The following SHISAL1 variants were observed in gnomAD, a reference collection of about 807,000 sequenced individuals.
The protein encoded by SHISAL1 is protein shisa-like-1.
SHISAL1 carries 9 observed loss-of-function variants against 22.6 expected under a neutral mutation model. The observed-to-expected ratio is 0.40, with a 90% CI of 0.24 to 0.70. SHISAL1 has a LOEUF of 0.70. Among genes scored for constraint, SHISAL1 ranks in the 30% least tolerant of loss-of-function variants. SHISAL1 has a pLI of 0.39. For missense variants in SHISAL1, 246 were observed against 270.6 expected (o/e 0.91, Z 0.64); for synonymous variants, 119 against 115.4 (o/e 1.03, Z -0.20).
intron 1 of SHISAL1, among the ~76,000 whole-genome samples, chr22:44,303,723 G>A (rs560214003): frequency 6.6e-6 from 1 of 152,296 alleles, no homozygotes; most frequent in South Asian, 2.1e-4. Context: ...CCGTGGAAGG[G>A]CTGGGTTGGG....
intron 3 of SHISAL1, among the ~76,000 whole-genome samples, chr22:44,295,996 A>C (rs1438257913): frequency 6.6e-6 from 1 of 152,220 alleles, no homozygotes; most frequent in African/African-American, 2.4e-5. Context: ...CAATGGTGTC[A>C]ATCAGTATTT....
At chr22:44,292,905 C>T (rs758030926) in intron 3 of SHISAL1, among the ~76,000 whole-genome samples, 1 of 152,262 alleles carries the variant, frequency 6.6e-6, no homozygotes, top group Non-Finnish European at 1.5e-5. Context: ...CTCCTGCAGA[C>T]ACTCTAGGTC....
At chr22:44,309,191 T>C (rs2055500151) in intron 1 of SHISAL1, among the ~76,000 whole-genome samples, 1 of 152,184 alleles carries the variant, frequency 6.6e-6, no homozygotes, top group Admixed American at 6.5e-5. Context: ...CTAACGAGTC[T>C]CTACTGTGGA....
the SHISAL1 span, among the ~76,000 whole-genome samples, chr22:44,326,865 G>C: frequency 6.6e-6 from 1 of 152,212 alleles, no homozygotes; most frequent in Non-Finnish European, 1.5e-5. Context: ...TTTCCTAAAA[G>C]GAGTGCCTCG....
chr22:44,318,731 G>A, the SHISAL1 span, among the ~76,000 whole-genome samples: 16 of 152,346 alleles, frequency 1.1e-4, no homozygotes, highest in East Asian at 1.5e-3. Context: ...CCGGAGGCTC[G>A]CGGCCTGCTC....
chr22:44,328,557 C>T, the SHISAL1 span, among the ~76,000 whole-genome samples: 384 of 152,264 alleles, frequency 2.5e-3, 1 homozygote, highest in African/African-American at 8.6e-3. Flanking sequence ...TACATGCCAC[C>T]GCCCCCCAAC....
At chr22:44,306,207 C>A (rs188665337) in intron 1 of SHISAL1, among the ~76,000 whole-genome samples, 1 of 152,224 alleles carries the variant, frequency 6.6e-6, no homozygotes, top group African/African-American at 2.4e-5. Flanking sequence ...AGGCCAAAGT[C>A]ATCACCTTGG....
intron 4 of SHISAL1, among the ~76,000 whole-genome samples, chr22:44,264,957 A>C (rs1463028532): frequency 1.3e-5 from 2 of 151,942 alleles, no homozygotes; most frequent in Admixed American, 6.6e-5. Context: ...CCCAACACAC[A>C]CCAGAGCCCC....
rs931052160 is a variant in SHISAL1, at chr22:44,310,242, G to A, written c.-33+2509C>T. Among the ~76,000 whole-genome samples, 4 of 152,232 alleles carry A rather than the reference G, an allele frequency of 2.6e-5. No homozygotes were observed. The highest frequency in any genetic ancestry group is 6.5e-5 in the Admixed American group (1 of 15,288). On this transcript the variant is annotated intron_variant, in intron 1 of 4. Transcript: ENST00000381176. This position sits in a 1 kb window ranked among gnomAD's most constrained non-coding sequence, Gnocchi z 4.0. The stretch of plus-strand genomic sequence containing the variant: ...TCTATGGGCAGCACAGGCCTGACAC[G>A]TAGTAGGCACTTTATAAACATGTGT...
chr22:44,313,437 C>T (rs1269133795), upstream of SHISAL1, among the ~76,000 whole-genome samples: 1 of 152,216 alleles, frequency 6.6e-6, no homozygotes, highest in African/African-American at 2.4e-5. Flanking sequence ...TGTGTGGCAC[C>T]TGCCTGACTC....
chr22:44,309,951 G>A (rs762946172), intron 1 of SHISAL1, among the ~76,000 whole-genome samples: 17 of 152,238 alleles, frequency 1.1e-4, no homozygotes, highest in South Asian at 2.1e-4. Flanking sequence ...AGGGGGAAGC[G>A]GCAGGAGAGA....
At chr22:44,291,165 C>T (rs1009030460) in intron 3 of SHISAL1, among the ~76,000 whole-genome samples, 5 of 152,218 alleles carry the variant, frequency 3.3e-5, no homozygotes, top group Admixed American at 1.3e-4. Flanking sequence ...ACTGCCTTCT[C>T]CTTCTACAGC....
intron 4 of SHISAL1, among the ~76,000 whole-genome samples, chr22:44,263,004 T>C (rs1569209988): frequency 6.6e-6 from 1 of 151,970 alleles, no homozygotes; most frequent in African/African-American, 2.4e-5. Context: ...CAACAGCTTC[T>C]GTTAGTTAGT....
chr22:44,313,144 G>A (rs1287831088), upstream of SHISAL1, among the ~76,000 whole-genome samples: 2 of 152,234 alleles, frequency 1.3e-5, no homozygotes, highest in African/African-American at 2.4e-5. Flanking sequence ...CATTTTACAG[G>A]TGAGCAAACT....
chr22:44,298,321 T>C (rs574778031), intron 2 of SHISAL1, among the ~76,000 whole-genome samples: 2 of 152,354 alleles, frequency 1.3e-5, no homozygotes, highest in African/African-American at 4.8e-5. Flanking sequence ...GTTCCCAAAG[T>C]GTGGCCCCTG....
chr22:44,273,997 T>A (rs1334130116), intron 4 of SHISAL1, among the ~76,000 whole-genome samples: 1 of 152,068 alleles, frequency 6.6e-6, no homozygotes, highest in Non-Finnish European at 1.5e-5. Context: ...GCAGGTGGAT[T>A]GCTTGAGGTC....
intron 4 of SHISAL1, among the ~76,000 whole-genome samples, chr22:44,257,268 A>C (rs913999833): frequency 1.3e-5 from 2 of 152,238 alleles, no homozygotes; most frequent in African/African-American, 4.8e-5. Flanking sequence ...AATCACAGAA[A>C]GGTGGTTAAC....
chr22:44,308,662 G>A (rs921736011), intron 1 of SHISAL1, among the ~76,000 whole-genome samples: 2 of 152,214 alleles, frequency 1.3e-5, no homozygotes, highest in Non-Finnish European at 2.9e-5. Flanking sequence ...GCTAGGGCAG[G>A]GGCTGGGTGG....
chr22:44,325,968 A>C, the SHISAL1 span, among the ~76,000 whole-genome samples: 2 of 151,864 alleles, frequency 1.3e-5, no homozygotes, highest in African/African-American at 4.8e-5. Flanking sequence ...GCTTTTCTTT[A>C]GTTCTCCTTC....
Sources: allele counts gnomAD v4.1 joint callset (sites outside exome capture counted in the v4.1 genomes callset), GRCh38; gene constraint gnomAD v4.1.1; non-coding constraint Gnocchi (gnomAD v3.1); transcripts MANE v1.5; gene names NCBI Gene and HGNC (gene_info 2026-07-23, HGNC 2026-07-21).